CCDC7: variants seen among roughly 807,000 people sequenced by gnomAD.
CCDC7 encodes the protein coiled-coil domain containing 7.
A neutral mutation model predicts 196.9 loss-of-function variants in CCDC7; 183 were observed. That is an observed-to-expected ratio of 0.93 (90% CI 0.82 to 1.05). CCDC7 has a LOEUF of 1.05. Ranked by LOEUF, CCDC7 falls within the 50% of genes least tolerant of loss-of-function variation. The pLI, the probability that CCDC7 is intolerant of heterozygous loss-of-function variation, is 0.00. For synonymous variants in CCDC7, 525 were observed against 484.6 expected (o/e 1.08, Z -1.10); for missense variants, 1,540 against 1,482.2 (o/e 1.04, Z -0.64).
At chr10:32,655,586 G>T (rs59556598) in intron 20 of CCDC7, among the ~76,000 whole-genome samples, 21,476 of 152,048 alleles carry the variant, frequency 0.14, 1,859 homozygotes, top group African/African-American at 0.25. Flanking sequence ...GAGTGCAGTG[G>T]TGTGATCTTG....
chr10:32,642,276 C>T (rs890705117), intron 20 of CCDC7, among the ~76,000 whole-genome samples: 2 of 152,204 alleles, frequency 1.3e-5, no homozygotes, highest in Admixed American at 1.3e-4. Context: ...GTGAGACCTC[C>T]TTGAGCTGTG....
upstream of CCDC7, among the ~76,000 whole-genome samples, chr10:32,444,963 C>T (rs2030627580): frequency 6.6e-6 from 1 of 151,864 alleles, no homozygotes; most frequent in South Asian, 2.1e-4. Flanking sequence ...AAGTGATTCT[C>T]CTGCCTCAGC....
intron 16 of CCDC7, among the ~76,000 whole-genome samples, chr10:32,578,488 G>A (rs2058439112): frequency 6.6e-6 from 1 of 151,426 alleles, no homozygotes; most frequent in African/African-American, 2.4e-5. Context: ...GCAACTAGAT[G>A]GTCCCATCTG....
intron 9 of CCDC7, chr10:32,513,045 T>C (rs1283685598): frequency 1.3e-5 from 2 of 152,272 alleles, no homozygotes; most frequent in African/African-American, 2.4e-5. Context: ...TGCCATGTTA[T>C]ATAGCAAATC....
intron 9 of CCDC7, among the ~76,000 whole-genome samples, chr10:32,506,110 G>A (rs7922773): frequency 0.13 from 19,164 of 147,656 alleles, 1,455 homozygotes; most frequent in African/African-American, 0.22. Flanking sequence ...CAGACAGGGC[G>A]GCCAGGCAGA....
chr10:32,521,437 G>T lies in CCDC7; in HGVS notation c.993+2932G>T, dbSNP rs2047869014. 2.6e-5 allele frequency among the ~76,000 whole-genome samples: 4 copies of T among 151,874 alleles called. No homozygotes were observed. In the South Asian group the frequency reaches 8.3e-4, roughly 31 times the overall value. ...TTTCACTTCTTTGGTTAATACGTAG[G>T]TGTTTAATTTGTGGCTATTGTAAAT... On this transcript the variant is annotated intron_variant, in intron 11 of 41. Transcript: ENST00000639629.
At chr10:32,469,934 T>C (rs2037606744) in intron 5 of CCDC7, among the ~76,000 whole-genome samples, 1 of 152,172 alleles carries the variant, frequency 6.6e-6, no homozygotes, top group South Asian at 2.1e-4. Flanking sequence ...GAAGAATAGA[T>C]TTTTGAGATG....
At chr10:32,779,036 C>A in exon 29 of CCDC7, 1 of 1,550,074 alleles carries the variant, frequency 6.5e-7, no homozygotes, top group Non-Finnish European at 8.7e-7. Context: ...AGCAATGTAC[C>A]CGTCAATTAG....
At chr10:32,769,826 C>G (rs1042098524) in intron 28 of CCDC7, among the ~76,000 whole-genome samples, 1 of 152,202 alleles carries the variant, frequency 6.6e-6, no homozygotes, top group Non-Finnish European at 1.5e-5. Flanking sequence ...CTTTTTATGT[C>G]TGCATAGTAT....
intron 31 of CCDC7, among the ~76,000 whole-genome samples, chr10:32,819,289 C>A (rs1468581746): frequency 1.3e-5 from 2 of 152,176 alleles, no homozygotes; most frequent in Non-Finnish European, 2.9e-5. Flanking sequence ...TCTGAATAGA[C>A]CAATAACAGG....
chr10:32,748,399 G>A (rs757664919), intron 28 of CCDC7, among the ~76,000 whole-genome samples: 2 of 152,056 alleles, frequency 1.3e-5, no homozygotes, highest in Non-Finnish European at 2.9e-5. Context: ...CATTAACCTT[G>A]TATCCTGCAA....
chr10:32,621,547 A>G (rs1423123800), intron 18 of CCDC7, among the ~76,000 whole-genome samples: 1 of 152,176 alleles, frequency 6.6e-6, no homozygotes, highest in Non-Finnish European at 1.5e-5. Flanking sequence ...ATGGATGCTG[A>G]GAAGTCCCAT....
At chr10:32,574,515 A>T (rs1261385149) in intron 16 of CCDC7, 3 of 1,522,162 alleles carry the variant, frequency 2.0e-6, no homozygotes, top group Non-Finnish European at 2.6e-6. Flanking sequence ...ACCCCACCTG[A>T]GCAGATACAT....
At chr10:32,666,930 A>G (rs1226310076) in intron 21 of CCDC7, among the ~76,000 whole-genome samples, 1 of 152,182 alleles carries the variant, frequency 6.6e-6, no homozygotes, top group African/African-American at 2.4e-5. Flanking sequence ...TTCTAGTTCT[A>G]GATCCTTGAA....
chr10:32,851,458 T>C (rs2093561296), intron 39 of CCDC7, among the ~76,000 whole-genome samples: 1 of 152,188 alleles, frequency 6.6e-6, no homozygotes, highest in South Asian at 2.1e-4. Context: ...ACCTCTTTTG[T>C]GGCCTAACAT....
intron 18 of CCDC7, among the ~76,000 whole-genome samples, chr10:32,631,602 T>G (rs1401881116): frequency 6.6e-6 from 1 of 152,080 alleles, no homozygotes; most frequent in Non-Finnish European, 1.5e-5. Flanking sequence ...AATAGTTTTT[T>G]CTCATGTTTT....
chr10:32,499,105 A>G (rs1380721523), intron 9 of CCDC7: 2 of 129,996 alleles, frequency 1.5e-5, no homozygotes, highest in East Asian at 4.3e-4. Context: ...TTTTTTTTCC[A>G]GGAGGAAAAA....
intron 31 of CCDC7, among the ~76,000 whole-genome samples, chr10:32,817,615 C>T (rs1380937448): frequency 7.2e-4 from 107 of 149,302 alleles, no homozygotes; most frequent in African/African-American, 2.6e-3. Flanking sequence ...CAAAGGGAAG[C>T]CCATCAGACT....
intron 22 of CCDC7, among the ~76,000 whole-genome samples, chr10:32,882,480 G>A (rs1035634227): frequency 6.6e-6 from 1 of 152,080 alleles, no homozygotes; most frequent in South Asian, 2.1e-4. Context: ...CATTGTCAAT[G>A]TTCAGCTAAA....
Sources: gnomAD v4.1 joint callset for allele counts (sites outside exome capture counted in the v4.1 genomes callset) on GRCh38, gnomAD v4.1.1 for gene constraint, MANE v1.5 for transcripts, NCBI Gene and HGNC (gene_info 2026-07-23, HGNC 2026-07-21) for gene names.